TEAD1: variants seen among roughly 807,000 people sequenced by gnomAD.
TEAD1 encodes transcriptional enhancer factor TEF-1.
Under a neutral mutation model 54.9 loss-of-function variants are expected in TEAD1, and 9 were observed. The observed-to-expected ratio is 0.16, with a 90% CI of 0.10 to 0.29. The LOEUF is 0.29. Ranked by LOEUF, TEAD1 falls within the 10% of genes least tolerant of loss-of-function variation. TEAD1 has a pLI of 1.00. For missense variants in TEAD1, 387 were observed against 535.9 expected (o/e 0.72, Z 2.74); for synonymous variants, 200 against 187.8 (o/e 1.07, Z -0.53).
intron 3 of TEAD1, among the ~76,000 whole-genome samples, chr11:12,840,411 C>A (rs1344043282): frequency 6.6e-6 from 1 of 152,002 alleles, no homozygotes; most frequent in Admixed American, 6.6e-5. Context: ...AGTTAAGAGG[C>A]CATATTCAGT....
At chr11:12,722,637 TTC>T (rs997194396) in intron 2 of TEAD1, among the ~76,000 whole-genome samples, 8 of 146,396 alleles carry the variant, frequency 5.5e-5, no homozygotes, top group South Asian at 2.1e-4. Flanking sequence ...ACCCTGTGAT[TTC>T]TCTCTCTTTC....
At chr11:12,870,261 A>G (rs959060927) in intron 5 of TEAD1, among the ~76,000 whole-genome samples, 1 of 152,192 alleles carries the variant, frequency 6.6e-6, no homozygotes. Flanking sequence ...AATTTTTAGC[A>G]GCTTAAGATA....
At chr11:12,808,880 A>C (rs2133985130) in intron 3 of TEAD1, among the ~76,000 whole-genome samples, 1 of 152,308 alleles carries the variant, frequency 6.6e-6, no homozygotes, top group East Asian at 1.9e-4. Context: ...CCATTCCATA[A>C]GGTGGCTGTG....
intron 3 of TEAD1, among the ~76,000 whole-genome samples, chr11:12,845,389 T>C (rs759390675): frequency 6.6e-6 from 1 of 152,144 alleles, no homozygotes; most frequent in Non-Finnish European, 1.5e-5. Flanking sequence ...ATCGTGTGTG[T>C]GTGCGCACAC....
intron 2 of TEAD1, among the ~76,000 whole-genome samples, chr11:12,730,996 C>G (rs1194895828): frequency 2.0e-5 from 3 of 152,080 alleles, no homozygotes; most frequent in Non-Finnish European, 4.4e-5. Context: ...GCTACCATGC[C>G]CGGCCCCTTT....
At chr11:12,742,632 A>G (rs897480421) in intron 2 of TEAD1, among the ~76,000 whole-genome samples, 1 of 152,242 alleles carries the variant, frequency 6.6e-6, no homozygotes, top group Non-Finnish European at 1.5e-5. Flanking sequence ...ATGTTAATTC[A>G]TCAGATTGGA....
At chr11:12,706,969 A>T (rs965833998) in intron 2 of TEAD1, among the ~76,000 whole-genome samples, 2 of 151,798 alleles carry the variant, frequency 1.3e-5, no homozygotes, top group South Asian at 2.1e-4. Flanking sequence ...CTTGACTAGC[A>T]CTCTTTTCAC....
At chr11:12,890,587 A>G (rs941436985) in intron 9 of TEAD1, among the ~76,000 whole-genome samples, 2 of 152,192 alleles carry the variant, frequency 1.3e-5, no homozygotes, top group African/African-American at 4.8e-5. Context: ...GCTTACTGTG[A>G]TGATTACATT....
At chr11:12,699,601 G>A (rs1460656792) in intron 2 of TEAD1, among the ~76,000 whole-genome samples, 1 of 152,076 alleles carries the variant, frequency 6.6e-6, no homozygotes, top group African/African-American at 2.4e-5. Flanking sequence ...ACTGCATCCT[G>A]TTTATTTCTC....
Position 12,716,812 on chromosome 11 carries a change from C to T in TEAD1, c.-55+41251C>T, listed in dbSNP as rs140462042. ...GGGCCATACAAAAACAGATGGCAGA[C>T]CAGATTTGGCCTGTGAGCCATGGTT... On this transcript the variant is annotated intron_variant, in intron 2 of 12. Coordinates refer to ENST00000527636, the MANE Select transcript of TEAD1 (RefSeq NM_021961.6). Among the ~76,000 whole-genome samples, 77 of 152,326 alleles carry T rather than the reference C, an allele frequency of 5.1e-4. 1 individual carries two copies. Among genetic ancestry groups the T allele is most frequent in the African/African-American group, 1.7e-3 (70 of 41,570 alleles).
At chr11:12,858,018 T>C in intron 3 of TEAD1, among the ~76,000 whole-genome samples, 1 of 152,036 alleles carries the variant, frequency 6.6e-6, no homozygotes, top group Non-Finnish European at 1.5e-5. Flanking sequence ...GGCAGAAGGA[T>C]CACTTGAACC....
At chr11:12,786,037 G>A (rs1945670287) in intron 3 of TEAD1, among the ~76,000 whole-genome samples, 1 of 152,088 alleles carries the variant, frequency 6.6e-6, no homozygotes, top group Admixed American at 6.5e-5. Flanking sequence ...CTTCTGCCTT[G>A]GAGGTGGAGG....
intron 10 of TEAD1, among the ~76,000 whole-genome samples, chr11:12,923,604 G>T (rs1346558603): frequency 6.6e-6 from 1 of 152,130 alleles, no homozygotes; most frequent in Non-Finnish European, 1.5e-5. Context: ...GGCTGTCTTT[G>T]GTCTGTTTTG....
intron 2 of TEAD1, among the ~76,000 whole-genome samples, chr11:12,691,642 G>A (rs1261738922): frequency 6.6e-6 from 1 of 152,114 alleles, no homozygotes; most frequent in Non-Finnish European, 1.5e-5. Flanking sequence ...AATTACCATG[G>A]ATGGTTTGTG....
At chr11:12,703,318 A>G (rs1943742590) in intron 2 of TEAD1, among the ~76,000 whole-genome samples, 1 of 152,192 alleles carries the variant, frequency 6.6e-6, no homozygotes, top group South Asian at 2.1e-4. Flanking sequence ...TACATGTAAC[A>G]TAGGATGAGT....
chr11:12,890,698 A>T (rs1052772157), intron 9 of TEAD1, among the ~76,000 whole-genome samples: 6 of 152,224 alleles, frequency 3.9e-5, no homozygotes, highest in African/African-American at 1.2e-4. Flanking sequence ...CTGGACAGGG[A>T]TCAAGCTTGC....
intron 9 of TEAD1, among the ~76,000 whole-genome samples, chr11:12,892,068 G>A (rs2134113983): frequency 6.6e-6 from 1 of 152,320 alleles, no homozygotes; most frequent in South Asian, 2.1e-4. Flanking sequence ...CCGCATGGAA[G>A]GTCTGTAAAT....
rs540112725 is a variant in TEAD1 at position 12,934,876 on chromosome 11, A to G, written c.1168-2233A>G. Among the ~76,000 whole-genome samples the G allele has an allele frequency of 3.3e-5, 5 of 152,240 alleles. No individual in the cohort carries two copies. The South Asian group carries it at 1.0e-3, about 32-fold the overall frequency. On this transcript the variant is annotated intron_variant, in intron 12 of 12. Coordinates refer to ENST00000527636, the MANE Select transcript of TEAD1 (RefSeq NM_021961.6). ...GATGAAAGAGGCAGGTAAATAAACC[A>G]TTGCAAGCAAATGATGGCTGTAGTG...
At chr11:12,812,816 C>T (rs1946332349) in intron 3 of TEAD1, among the ~76,000 whole-genome samples, 1 of 152,158 alleles carries the variant, frequency 6.6e-6, no homozygotes. Context: ...AACACTGAGC[C>T]AGAGTAAATC....
Sources: allele counts gnomAD v4.1 joint callset (sites outside exome capture counted in the v4.1 genomes callset), GRCh38; gene constraint gnomAD v4.1.1; transcripts MANE v1.5; gene names NCBI Gene and HGNC (gene_info 2026-07-23, HGNC 2026-07-21).